BBX: variants seen among roughly 807,000 people sequenced by gnomAD.
BBX encodes the protein BBX high mobility group box domain containing.
BBX carries 30 observed loss-of-function variants against 100.2 expected under a neutral mutation model. The observed-to-expected ratio is 0.30, with a 90% CI of 0.22 to 0.41. The LOEUF (loss-of-function observed/expected upper bound fraction) is 0.41, where lower values mean the gene tolerates loss of function less well. BBX is among the 10% of genes least tolerant of loss of function. BBX has a pLI of 1.00. For missense variants in BBX, 1,023 were observed against 1,129.8 expected (o/e 0.91, Z 1.35); for synonymous variants, 376 against 388.1 (o/e 0.97, Z 0.37).
intron 8 of BBX, 122 bp from the exon 9 acceptor site, chr3:107,747,843 T>G (rs1409254435): frequency 4.4e-6 from 3 of 688,340 alleles, no homozygotes; most frequent in Non-Finnish European, 7.3e-6. Context: ...CTAAAGGGAT[T>G]GAGGGTAATG....
chr3:107,583,247 T>C (rs1037871805), intron 2 of BBX, among the ~76,000 whole-genome samples: 3 of 152,014 alleles, frequency 2.0e-5, no homozygotes, highest in Non-Finnish European at 4.4e-5. Context: ...AAGAGTCTTA[T>C]AGTGAGCTTT....
At chr3:107,643,444 C>A (rs2057335329) in intron 2 of BBX, among the ~76,000 whole-genome samples, 1 of 151,836 alleles carries the variant, frequency 6.6e-6, no homozygotes, top group Non-Finnish European at 1.5e-5. Flanking sequence ...GAAGCAGAGG[C>A]CTTGAAAAGG....
Position 107,659,771 on chromosome 3 carries a change from G to A in BBX, c.-10+13862G>A, listed in dbSNP as rs183692735. 708 of 1,274,090 alleles carry A rather than the reference G, an allele frequency of 5.6e-4. 9 individuals carry two copies. In the Admixed American group the frequency reaches 0.012, roughly 22 times the overall value. 78.9% of individuals were successfully genotyped at this position (1,274,090 alleles called of 1,614,324 possible). A position where few individuals can be genotyped will look rare whatever the true frequency, so the allele number is the denominator to read the frequency against. On this transcript the variant is annotated intron_variant, in intron 3 of 17. Transcript: ENST00000325805. Reference sequence around the variant, plus strand: ...CATGAATGCACTGTTTATTTTTAACGTAAGTGTGTAGATACAGAAGTGGTA... The same window carrying A: ...CATGAATGCACTGTTTATTTTTAACATAAGTGTGTAGATACAGAAGTGGTA...
At chr3:107,751,227 C>G (rs557871695) in intron 9 of BBX, among the ~76,000 whole-genome samples, 2 of 152,258 alleles carry the variant, frequency 1.3e-5, no homozygotes, top group South Asian at 4.2e-4. Context: ...ATCCCTGTCT[C>G]TTTTCAGAGG....
At chr3:107,754,782 A>G (rs1217874042) in intron 9 of BBX, among the ~76,000 whole-genome samples, 1 of 152,240 alleles carries the variant, frequency 6.6e-6, no homozygotes, top group Non-Finnish European at 1.5e-5. Context: ...TATCTACTCT[A>G]ACAATGACAG....
chr3:107,535,800 T>C (rs1042990652), intron 2 of BBX, among the ~76,000 whole-genome samples: 1 of 152,216 alleles, frequency 6.6e-6, no homozygotes, highest in Non-Finnish European at 1.5e-5. Context: ...GGTTTTGCCA[T>C]GTTGGCCAGG....
At chr3:107,633,838 ACTT>A (rs776047339) in intron 2 of BBX, among the ~76,000 whole-genome samples, 6 of 152,190 alleles carry the variant, frequency 3.9e-5, no homozygotes, top group Non-Finnish European at 7.4e-5. Flanking sequence ...TGAAAAGAGC[ACTT>A]CTTCTTTTCC....
At chr3:107,669,316 G>A (rs533900903) in intron 3 of BBX, among the ~76,000 whole-genome samples, 39 of 152,214 alleles carry the variant, frequency 2.6e-4, no homozygotes, top group African/African-American at 8.7e-4. Context: ...GAGAAGGGCC[G>A]TTTTAAATAA....
chr3:107,683,555 ATTCTGCTTTCT>A (rs2059680840), intron 3 of BBX, among the ~76,000 whole-genome samples: 1 of 152,110 alleles, frequency 6.6e-6, no homozygotes, highest in Non-Finnish European at 1.5e-5. Flanking sequence ...TCGTTCTTTT[ATTCTGCTTTCT>A]TAACTTTGCT....
chr3:107,658,140 C>T (rs1440739517), intron 3 of BBX, among the ~76,000 whole-genome samples: 1 of 152,044 alleles, frequency 6.6e-6, no homozygotes, highest in African/African-American at 2.4e-5. Flanking sequence ...TCTTTGAGTG[C>T]CAAGTTCTTG....
At chr3:107,774,628 A>G (rs767751996) in intron 11 of BBX, 91 bp from the exon 12 acceptor site, 2 of 1,341,884 alleles carry the variant, frequency 1.5e-6, no homozygotes, top group African/African-American at 1.5e-5. Flanking sequence ...ATGATATGCA[A>G]GCAGTCAAGA....
At chr3:107,528,568 A>G (rs1291300643) in intron 2 of BBX, among the ~76,000 whole-genome samples, 1 of 152,226 alleles carries the variant, frequency 6.6e-6, no homozygotes, top group Middle Eastern at 3.2e-3. Context: ...ACATACTTTG[A>G]AAATGGTATA....
In BBX at chr3:107,805,696, C is replaced by G. The variant is rs2071017554; in HGVS notation, c.*239C>G. Reference sequence around the variant, plus strand: ...GATACTGAGCAGAAACAGAATGATCCTGGAGCTTTGCTTTCTATTGAAGGC... The same window carrying G: ...GATACTGAGCAGAAACAGAATGATCGTGGAGCTTTGCTTTCTATTGAAGGC... On this transcript the variant is annotated 3_prime_UTR_variant, in exon 18 of 18. Coordinates refer to ENST00000325805, the MANE Select transcript of BBX (RefSeq NM_001142568.3). 1 of 652,214 alleles carries G rather than the reference C, an allele frequency of 1.5e-6. No individual in the cohort carries two copies. The allele number at this position is 652,214 out of a possible 1,614,324, so 40.4% of individuals were successfully genotyped here. A position where few individuals can be genotyped will look rare whatever the true frequency, so the allele number is the denominator to read the frequency against.
At chr3:107,594,658 T>C (rs962398272) in intron 2 of BBX, among the ~76,000 whole-genome samples, 2 of 152,292 alleles carry the variant, frequency 1.3e-5, no homozygotes, top group South Asian at 4.1e-4. Context: ...TCCTCATCAA[T>C]GAAACAGGAA....
chr3:107,599,165 T>C (rs2053880973), intron 2 of BBX: 1 of 152,186 alleles, frequency 6.6e-6, no homozygotes, highest in Admixed American at 6.5e-5. Flanking sequence ...GAAGGAAAGG[T>C]ATGGCAGGAT....
intron 7 of BBX, among the ~76,000 whole-genome samples, chr3:107,735,999 G>A (rs1392127249): frequency 1.3e-5 from 2 of 151,744 alleles, no homozygotes; most frequent in South Asian, 2.1e-4. Context: ...GCACATAATC[G>A]GCCTTGTTTT....
intron 3 of BBX, among the ~76,000 whole-genome samples, chr3:107,692,170 T>TTTTATTTA (rs201883262): frequency 0.084 from 12,466 of 148,062 alleles, 611 homozygotes; most frequent in African/African-American, 0.11. Context: ...TTTTTAATTA[T>TTTTATTTA]TTTATTTATT....
chr3:107,579,628 G>C (rs2052110912), intron 2 of BBX, among the ~76,000 whole-genome samples: 1 of 152,202 alleles, frequency 6.6e-6, no homozygotes, highest in African/African-American at 2.4e-5. Flanking sequence ...TCCCATCCCA[G>C]CAGATTTCTT....
At chr3:107,731,185 A>G (rs956533137) in intron 6 of BBX, among the ~76,000 whole-genome samples, 1 of 152,202 alleles carries the variant, frequency 6.6e-6, no homozygotes, top group Non-Finnish European at 1.5e-5. Flanking sequence ...TATAAAGGAT[A>G]TTGGTAATTT....
Sources: allele counts gnomAD v4.1 joint callset (sites outside exome capture counted in the v4.1 genomes callset), GRCh38; gene constraint gnomAD v4.1.1; transcripts MANE v1.5; gene names NCBI Gene and HGNC (gene_info 2026-07-23, HGNC 2026-07-21).